The following RELN variants were observed in gnomAD, a reference collection of about 807,000 sequenced individuals.
RELN encodes reelin.
RELN carries 108 observed loss-of-function variants against 427.6 expected under a neutral mutation model. The ratio of observed to expected loss-of-function variants is 0.25; its 90% CI spans 0.22 to 0.30. RELN has a LOEUF of 0.30. Among genes scored for constraint, RELN ranks in the 10% least tolerant of loss-of-function variants. The probability of loss-of-function intolerance (pLI) is 1.00; values close to 1 mark genes in which losing one functional copy is unlikely to be tolerated. For missense variants in RELN, 3,715 were observed against 4,302.8 expected, an observed-to-expected ratio of 0.86 and a Z score of 3.82; for synonymous variants, 1,524 against 1,513.4, an observed-to-expected ratio of 1.01 and a Z score of -0.16.
At chr7:103,937,583 A>G (rs1796014937) in intron 1 of RELN, among the ~76,000 whole-genome samples, 1 of 152,252 alleles carries the variant, frequency 6.6e-6, no homozygotes, top group Non-Finnish European at 1.5e-5. Flanking sequence ...CATTTATGAA[A>G]TGATGGGGAA....
At chr7:103,698,537 AGGGTCTTGC>A (rs1156969851) in intron 9 of RELN, among the ~76,000 whole-genome samples, 2 of 152,106 alleles carry the variant, frequency 1.3e-5, no homozygotes, top group Admixed American at 1.3e-4. Context: ...TTTTTGAGAC[AGGGTCTTGC>A]TCTGTCATAT....
At position 103,839,177 on chromosome 7, in the gene RELN, T is replaced by C. The variant is rs75586759; in HGVS notation, c.338-5505A>G. Among the ~76,000 whole-genome samples the C allele has an allele frequency of 9.5e-3, 1,447 of 152,238 alleles. 17 individuals are homozygous for C. The highest frequency in any genetic ancestry group is 0.033 in the African/African-American group (1,381 of 41,542). On this transcript the variant is annotated intron_variant, in intron 2 of 64. Coordinates refer to ENST00000428762, the MANE Select transcript of RELN (RefSeq NM_005045.4). Reference sequence around the variant, plus strand: ...TGAAGAAAGCCAACAGTATCTTACATAATGTCTCTGGTAGTAACACAAAAT... The same window carrying C: ...TGAAGAAAGCCAACAGTATCTTACACAATGTCTCTGGTAGTAACACAAAAT...
In RELN at chr7:103,565,373, G is replaced by A. The variant is rs139945641; in HGVS notation, c.5115C>T (p.Thr1705=). 2 of 1,614,098 alleles carry A rather than the reference G, an allele frequency of 1.2e-6. No individual in the cohort carries two copies. The highest frequency in any genetic ancestry group is 1.7e-6 in the Non-Finnish European group (2 of 1,179,974). The change falls in exon 34 of 65, where the codon ACC becomes ACT. Residue 1705 remains threonine (T), a synonymous_variant. Coordinates refer to ENST00000428762, the MANE Select transcript of RELN (RefSeq NM_005045.4). ...TTTCCGTGTAATGCAGACAGCCAATGGTTGGAGGAACACACTCTTCGGTGA... is the reference window on the plus strand; with the variant it reads ...TTTCCGTGTAATGCAGACAGCCAATAGTTGGAGGAACACACTCTTCGGTGA... ...HLVTEECVPP[T]IGCLHYTESS...
chr7:103,644,150 G>A (rs1359461996), intron 16 of RELN, among the ~76,000 whole-genome samples: 1 of 151,640 alleles, frequency 6.6e-6, no homozygotes, highest in Non-Finnish European at 1.5e-5. Flanking sequence ...AAAAAATAAT[G>A]AGATAGTTTC....
intron 1 of RELN, among the ~76,000 whole-genome samples, chr7:103,956,878 G>A (rs1304772052): frequency 6.6e-6 from 1 of 152,042 alleles, no homozygotes; most frequent in African/African-American, 2.4e-5. Context: ...CTGTCAAAGA[G>A]GTCCATGAAA....
At chr7:103,715,974 C>A (rs956335845) in intron 8 of RELN, among the ~76,000 whole-genome samples, 1 of 152,186 alleles carries the variant, frequency 6.6e-6, no homozygotes, top group East Asian at 1.9e-4. Context: ...TAATCCCCAT[C>A]CCGGGCAGCA....
intron 41 of RELN, 102 bp from the exon 42 acceptor site, chr7:103,545,446 T>C: frequency 1.3e-6 from 1 of 780,526 alleles, no homozygotes; most frequent in Non-Finnish European, 2.2e-6. Context: ...CTACCTATGC[T>C]CAACACCCAA....
At chr7:103,728,663 T>C (rs1790274774) in intron 6 of RELN, among the ~76,000 whole-genome samples, 1 of 152,154 alleles carries the variant, frequency 6.6e-6, no homozygotes, top group African/African-American at 2.4e-5. Flanking sequence ...AGCAGAGTAA[T>C]AGCCACTTAC....
chr7:103,640,830 A>C lies in RELN; in HGVS notation c.2003-221T>G, dbSNP rs575909293. On this transcript the variant is annotated intron_variant, in intron 16 of 64. Transcript: ENST00000428762. The surrounding 1 kb of genome is among the most constrained non-coding windows in gnomAD (Gnocchi z 4.1). ...AATCCTTTTAAGATTTTAACATTTCATATCAAAGAAGATAGGAGCTTATGA... is the reference window on the plus strand; with the variant it reads ...AATCCTTTTAAGATTTTAACATTTCCTATCAAAGAAGATAGGAGCTTATGA... Among the ~76,000 whole-genome samples the C allele has an allele frequency of 6.6e-6, 1 of 152,320 alleles. No individual in the cohort carries two copies. Among genetic ancestry groups the C allele is most frequent in the South Asian group, 2.1e-4 (1 of 4,830 alleles).
intron 16 of RELN, among the ~76,000 whole-genome samples, chr7:103,642,915 GA>G (rs529573173): frequency 3.9e-5 from 6 of 152,110 alleles, no homozygotes; most frequent in African/African-American, 1.4e-4. Context: ...TTCTACCAAT[GA>G]AAAAACTCCA....
At chr7:103,967,367 G>C (rs548883220) in intron 1 of RELN, among the ~76,000 whole-genome samples, 1 of 152,196 alleles carries the variant, frequency 6.6e-6, no homozygotes, top group African/African-American at 2.4e-5. Context: ...TCCTGATGTT[G>C]AAAGTGTTTT....
intron 1 of RELN, among the ~76,000 whole-genome samples, chr7:103,960,574 A>G (rs1796529832): frequency 6.6e-6 from 1 of 152,224 alleles, no homozygotes; most frequent in Non-Finnish European, 1.5e-5. Context: ...GGCATATTTG[A>G]CAGGTAAATG....
intron 3 of RELN, among the ~76,000 whole-genome samples, chr7:103,784,360 A>G (rs1313770200): frequency 1.3e-5 from 2 of 152,170 alleles, no homozygotes; most frequent in Non-Finnish European, 2.9e-5. Context: ...ATTCCTCAGC[A>G]GCCCTCACCT....
chr7:103,653,704 C>T (rs1299585458), intron 13 of RELN, among the ~76,000 whole-genome samples: 1 of 152,004 alleles, frequency 6.6e-6, no homozygotes, highest in East Asian at 1.9e-4. Context: ...CAAAGATAAC[C>T]TGTGCTTCTA....
At chr7:103,901,804 C>A (rs1795090542) in intron 2 of RELN, among the ~76,000 whole-genome samples, 1 of 151,952 alleles carries the variant, frequency 6.6e-6, no homozygotes, top group Non-Finnish European at 1.5e-5. Flanking sequence ...TGTTAAAAAT[C>A]TTTTCAAATT....
intron 3 of RELN, among the ~76,000 whole-genome samples, chr7:103,828,795 T>C (rs1759547291): frequency 6.6e-6 from 1 of 151,992 alleles, no homozygotes; most frequent in Non-Finnish European, 1.5e-5. Flanking sequence ...ATTTCTATAT[T>C]CATATAGAGA....
chr7:103,943,550 C>A (rs1796158171), intron 1 of RELN, among the ~76,000 whole-genome samples: 1 of 151,938 alleles, frequency 6.6e-6, no homozygotes, highest in African/African-American at 2.4e-5. Context: ...ATCTAAAAAG[C>A]TCCACTTAGA....
rs191570035 is a variant in RELN at position 103,501,361 on chromosome 7, C to T, written c.8490-439G>A. The stretch of plus-strand genomic sequence containing the variant: ...AGCATACACACAGCCCTCAGGCGGT[C>T]GGGAGGCAGCATTTTCTGAATTCCC... On this transcript the variant is annotated intron_variant, in intron 52 of 64. Coordinates refer to ENST00000428762, the MANE Select transcript of RELN (RefSeq NM_005045.4). Among the ~76,000 whole-genome samples the T allele has an allele frequency of 7.2e-5, 11 of 152,230 alleles. No individual in the cohort carries two copies. In the East Asian group the frequency reaches 1.5e-3, roughly 21 times the overall value.
Position 103,553,516 on chromosome 7 carries a change from T to A in RELN, c.6017A>T (p.His2006Leu), listed in dbSNP as rs780827335. The change falls in exon 40 of 65, where the codon CAT becomes CTT. Residue 2006 changes from histidine to leucine, a missense_variant. By Grantham distance (99) the His-to-Leu change is moderately conservative. Coordinates refer to ENST00000428762, the MANE Select transcript of RELN (RefSeq NM_005045.4). ...MVFVSNEVGE[H>L]SITTRDLNVN... ...ATTTAGGTCACGGGTGGTAATGGAATGCTCACCAACTTCATTTGAAACAAA... is the reference window on the plus strand; with the variant it reads ...ATTTAGGTCACGGGTGGTAATGGAAAGCTCACCAACTTCATTTGAAACAAA... 2 of 1,614,152 alleles carry A rather than the reference T, an allele frequency of 1.2e-6. No homozygotes were observed. The highest frequency in any genetic ancestry group is 1.7e-6 in the Non-Finnish European group (2 of 1,179,994).
Sources: allele counts gnomAD v4.1 joint callset (sites outside exome capture counted in the v4.1 genomes callset), GRCh38; gene constraint gnomAD v4.1.1; non-coding constraint Gnocchi (gnomAD v3.1); transcripts MANE v1.5; gene names NCBI Gene and HGNC (gene_info 2026-07-23, HGNC 2026-07-21).